The following EYA2 variants were observed in gnomAD, a reference collection of about 807,000 sequenced individuals.
EYA2 encodes the protein EYA transcriptional coactivator and phosphatase 2, also known as protein phosphatase EYA2.
Under a neutral mutation model 69.2 loss-of-function variants are expected in EYA2, and 31 were observed. That is an observed-to-expected ratio of 0.45 (90% confidence interval 0.34 to 0.60). The LOEUF (loss-of-function observed/expected upper bound fraction) is 0.60, where lower values mean the gene tolerates loss of function less well. Among genes scored for constraint, EYA2 ranks in the 20% least tolerant of loss-of-function variants. EYA2 has a pLI of 0.02. For synonymous variants in EYA2, 257 were observed against 279.4 expected, an observed-to-expected ratio of 0.92 and a Z score of 0.80; for missense variants, 622 against 701.2, an observed-to-expected ratio of 0.89 and a Z score of 1.28.
At chr20:47,035,758 G>A (rs1300946612) in intron 5 of EYA2, among the ~76,000 whole-genome samples, 1 of 151,878 alleles carries the variant, frequency 6.6e-6, no homozygotes, top group African/African-American at 2.4e-5. Flanking sequence ...GCTGATACCT[G>A]TAACTTTGGG....
At chr20:47,128,025 C>T (rs781511042) in intron 9 of EYA2, among the ~76,000 whole-genome samples, 1 of 152,156 alleles carries the variant, frequency 6.6e-6, no homozygotes, top group Non-Finnish European at 1.5e-5. Context: ...TTCACAAACA[C>T]ACCTGTTTTT....
intron 5 of EYA2, among the ~76,000 whole-genome samples, chr20:47,054,383 T>C (rs1313751700): frequency 1.3e-5 from 2 of 152,234 alleles, no homozygotes; most frequent in African/African-American, 4.8e-5. Flanking sequence ...TCATATACTG[T>C]CAGCGTAGGG....
chr20:47,096,304 G>T (rs1482407698), intron 8 of EYA2, among the ~76,000 whole-genome samples: 1 of 152,110 alleles, frequency 6.6e-6, no homozygotes, highest in Non-Finnish European at 1.5e-5. Context: ...TATATTACTA[G>T]TTACCAACTT....
intron 9 of EYA2, among the ~76,000 whole-genome samples, chr20:47,115,850 C>A (rs1264310455): frequency 2.0e-5 from 3 of 152,220 alleles, no homozygotes; most frequent in Non-Finnish European, 4.4e-5. Flanking sequence ...GCGGTCCAGC[C>A]CCTGCCAACC....
At chr20:46,959,862 T>C (rs2425918) in intron 1 of EYA2, among the ~76,000 whole-genome samples, 145,297 of 152,090 alleles carry the variant, frequency 0.96, 69,766 homozygotes, top group Middle Eastern at 0.99. Context: ...GGGCTCATCT[T>C]TTCTCTCTGA....
intron 1 of EYA2, among the ~76,000 whole-genome samples, chr20:46,916,674 G>T (rs1984920078): frequency 1.3e-5 from 2 of 152,144 alleles, no homozygotes; most frequent in Admixed American, 1.3e-4. Flanking sequence ...TGAGATTGAG[G>T]TTAAGGTTGA....
chr20:46,970,589 T>C (rs1980076807), intron 1 of EYA2, among the ~76,000 whole-genome samples: 1 of 152,050 alleles, frequency 6.6e-6, no homozygotes, highest in South Asian at 2.1e-4. Context: ...TAAAATAGGG[T>C]AAAAAAACCC....
intron 3 of EYA2, among the ~76,000 whole-genome samples, chr20:47,003,413 T>C (rs1245854502): frequency 3.9e-5 from 6 of 152,244 alleles, no homozygotes; most frequent in Non-Finnish European, 8.8e-5. Flanking sequence ...GTAGGCATTG[T>C]TGCAGACAGG....
chr20:46,987,916 G>GACTCTCTCTCTC (rs56288405), intron 1 of EYA2, among the ~76,000 whole-genome samples: 730 of 20,336 alleles, frequency 0.036, 263 homozygotes, highest in African/African-American at 0.041. Flanking sequence ...GACAGAGTAA[G>GACTCTCTCTCTC]TCTCTCTCTC....
rs73303676 is a variant in EYA2, at chr20:46,929,379, G to A, written c.-11+34392G>A. Reference sequence around the variant, plus strand: ...GGATGAGTCCCTAGTAACACGGGAAGATGGGAGGCAGGAGAAAAAGCTTGT... The same window carrying A: ...GGATGAGTCCCTAGTAACACGGGAAAATGGGAGGCAGGAGAAAAAGCTTGT... On this transcript the variant is annotated intron_variant, in intron 1 of 15. Transcript: ENST00000327619. Among the ~76,000 whole-genome samples the A allele has an allele frequency of 7.8e-3, 1,178 of 150,644 alleles. 21 individuals are homozygous for A. Among genetic ancestry groups the A allele is most frequent in the African/African-American group, 0.027 (1,119 of 41,018 alleles).
At chr20:47,117,127 C>T (rs1426672205) in intron 9 of EYA2, among the ~76,000 whole-genome samples, 1 of 151,902 alleles carries the variant, frequency 6.6e-6, no homozygotes, top group Non-Finnish European at 1.5e-5. Flanking sequence ...ATTCTCCTGC[C>T]TCAGCCTCCC....
intron 1 of EYA2, among the ~76,000 whole-genome samples, chr20:46,956,973 A>G (rs536899191): frequency 6.6e-6 from 1 of 152,172 alleles, no homozygotes; most frequent in East Asian, 1.9e-4. Flanking sequence ...GAAAAACCCA[A>G]CCCTATGATT....
At chr20:47,135,842 C>CAA (rs1266669397) in intron 9 of EYA2, among the ~76,000 whole-genome samples, 2 of 54,026 alleles carry the variant, frequency 3.7e-5, no homozygotes, top group Non-Finnish European at 5.9e-5. Context: ...AAAAAAAAAA[C>CAA]AAACAAACAA....
At chr20:46,900,772 A>T (rs1342379146) in intron 1 of EYA2, among the ~76,000 whole-genome samples, 1 of 152,228 alleles carries the variant, frequency 6.6e-6, no homozygotes, top group Non-Finnish European at 1.5e-5. Flanking sequence ...TAGTGGAAAC[A>T]TTCCAAATTT....
chr20:47,046,354 A>G (rs764897514), intron 5 of EYA2, among the ~76,000 whole-genome samples: 31 of 152,226 alleles, frequency 2.0e-4, no homozygotes, highest in Non-Finnish European at 4.1e-4. Flanking sequence ...GAGCTTGATC[A>G]CTGTGAGACA....
At chr20:47,145,176 A>T (rs1366789823) in intron 10 of EYA2, among the ~76,000 whole-genome samples, 1 of 151,982 alleles carries the variant, frequency 6.6e-6, no homozygotes, top group Non-Finnish European at 1.5e-5. Context: ...ATATGAAGAA[A>T]ATAAAATAAT....
intron 1 of EYA2, among the ~76,000 whole-genome samples, chr20:46,984,381 GA>G (rs3092382): frequency 0.083 from 12,287 of 148,242 alleles, 1,628 homozygotes; most frequent in African/African-American, 0.28. Context: ...AAATCAGTAA[GA>G]AAAAAAAAAA....
Position 46,917,493 on chromosome 20 carries a change from A to G in EYA2, c.-11+22506A>G, listed in dbSNP as rs114645915. The stretch of plus-strand genomic sequence containing the variant: ...ACGTGGGACTCAGGTCAGACAGACT[A>G]TGACCACTGGCCCATTGCAAAATGA... On this transcript the variant is annotated intron_variant, in intron 1 of 15. Transcript: ENST00000327619. Among the ~76,000 whole-genome samples, 225 of 152,370 alleles carry G rather than the reference A, an allele frequency of 1.5e-3. 1 individual carries two copies. Among genetic ancestry groups the G allele is most frequent in the African/African-American group, 5.3e-3 (222 of 41,602 alleles).
chr20:46,912,717 G>A (rs945510974), intron 1 of EYA2, among the ~76,000 whole-genome samples: 7 of 145,512 alleles, frequency 4.8e-5, no homozygotes, highest in South Asian at 4.4e-4. Context: ...TTTTTGAGAC[G>A]GAGTCTCGCT....
Sources: gnomAD v4.1 joint callset for allele counts (sites outside exome capture counted in the v4.1 genomes callset) on GRCh38, gnomAD v4.1.1 for gene constraint, MANE v1.5 for transcripts, NCBI Gene and HGNC (gene_info 2026-07-23, HGNC 2026-07-21) for gene names.